The following PCDHB1 variants were observed in gnomAD, a reference collection of about 807,000 sequenced individuals.
PCDHB1 encodes the protein protocadherin beta-1.
Under a neutral mutation model 43.5 loss-of-function variants are expected in PCDHB1, and 44 were observed. The ratio of observed to expected loss-of-function variants is 1.01; its 90% CI spans 0.79 to 1.30. The LOEUF (loss-of-function observed/expected upper bound fraction) is 1.30, where lower values mean the gene tolerates loss of function less well. Among genes scored for constraint, PCDHB1 ranks in the 50% most tolerant of loss-of-function variants. PCDHB1 has a pLI of 0.00. For synonymous variants in PCDHB1, 392 were observed against 400.8 expected (o/e 0.98, Z 0.26); for missense variants, 919 against 1,008.9 (o/e 0.91, Z 1.21).
At position 141,056,289 on chromosome 5, in the gene PCDHB1, TGGCCA is replaced by T. The variant is rs1751132418; in HGVS notation, c.*2365_*2369del. ...TGGCACCACCTGGCTGTTTACCTGT[TGGCCA>T]GGAATACACTAAAATTTAGTGCTGT... On this transcript the variant is annotated 3_prime_UTR_variant, in exon 1 of 1. Coordinates refer to ENST00000306549, the MANE Select transcript of PCDHB1 (RefSeq NM_013340.4). 6.6e-6 allele frequency: 1 copy of T among 152,220 alleles called. No homozygotes were observed. Among genetic ancestry groups the T allele is most frequent in the Non-Finnish European group, 1.5e-5 (1 of 68,036 alleles). The allele number at this position is 152,220 out of a possible 1,614,324, so 9.4% of individuals were successfully genotyped here. A position where few individuals can be genotyped will look rare whatever the true frequency, so the allele number is the denominator to read the frequency against.
At position 141,058,889 on chromosome 5, in the gene PCDHB1, A is replaced by C. The variant is rs1016337711; in HGVS notation, c.*4962A>C. 6 of 152,110 alleles carry C rather than the reference A, an allele frequency of 3.9e-5. No individual in the cohort carries two copies. Among genetic ancestry groups the C allele is most frequent in the Non-Finnish European group, 7.4e-5 (5 of 67,994 alleles). 9.4% of individuals were successfully genotyped at this position (152,110 alleles called of 1,614,324 possible). On this transcript the variant is annotated 3_prime_UTR_variant, in exon 1 of 1. Coordinates refer to ENST00000306549, the MANE Select transcript of PCDHB1 (RefSeq NM_013340.4). ...TATTTCTTTACATAAGGATACCTGG[A>C]TATCTCCTCTATTATTTGGGTTACA...
Position 141,052,188 on chromosome 5 carries a change from C to A in PCDHB1, c.718C>A (p.Pro240Thr). ...VVVLDVNDHV[P>T]QFSRLVYRAQ... ...GGTTCTGGATGTCAACGACCACGTG[C>A]CCCAGTTCTCGCGACTGGTGTACAG... Residue 240 changes from proline (P) to threonine (T), a missense_variant, in exon 1 of 1, where the codon CCC becomes ACC. Physicochemically the swap from Pro to Thr is conservative, Grantham distance 38. Coordinates refer to ENST00000306549, the MANE Select transcript of PCDHB1 (RefSeq NM_013340.4). 7 of 1,614,062 alleles carry A rather than the reference C, an allele frequency of 4.3e-6. No homozygotes were observed. Among genetic ancestry groups the A allele is most frequent in the Non-Finnish European group, 5.9e-6 (7 of 1,179,988 alleles).
rs1372628933 is a variant in PCDHB1, at chr5:141,051,809, G to A, written c.339G>A (p.Pro113=). The A allele has an allele frequency of 6.2e-7, 1 of 1,614,112 alleles. No individual in the cohort carries two copies. Among genetic ancestry groups the A allele is most frequent in the African/African-American group, 1.3e-5 (1 of 74,932 alleles). The change falls in exon 1 of 1, where the codon CCG becomes CCA. Residue 113 remains proline, a synonymous_variant. Coordinates refer to ENST00000306549, the MANE Select transcript of PCDHB1 (RefSeq NM_013340.4). ...VLHFEVVLVE[P]LQSFRAEVRV... is the part of the protein sequence containing the mutation. ...ACTTTGAAGTAGTCCTGGTGGAGCCGCTGCAGTCCTTCCGGGCCGAGGTCA... is the reference window on the plus strand; with the variant it reads ...ACTTTGAAGTAGTCCTGGTGGAGCCACTGCAGTCCTTCCGGGCCGAGGTCA...
rs782667672 is a variant in PCDHB1 at position 141,051,776 on chromosome 5, T to C, written c.306T>C (p.Cys102=). The change falls in exon 1 of 1, where the codon TGT becomes TGC. Residue 102 remains cysteine, a synonymous_variant. Coordinates refer to ENST00000306549, the MANE Select transcript of PCDHB1 (RefSeq NM_013340.4). The stretch of plus-strand genomic sequence containing the variant: ...CACTTTGTGGCAAAGCCGACCCTTG[T>C]GTTCTGCACTTTGAAGTAGTCCTGG... The part of the protein sequence containing the change: ...RESLCGKADP[C]VLHFEVVLVE... 1 of 1,614,256 alleles carries C rather than the reference T, an allele frequency of 6.2e-7. No homozygotes were observed. The highest frequency in any genetic ancestry group is 8.5e-7 in the Non-Finnish European group (1 of 1,180,036).
In PCDHB1 at chr5:141,052,706, G is replaced by C. The variant is rs1554267287; in HGVS notation, c.1236G>C (p.Arg412=). ...YSLVTDRSLD[R]EEVSGYNITI... ...TGGTCACTGACAGAAGCTTGGATCG[G>C]GAGGAGGTCTCAGGCTATAATATCA... Residue 412 remains arginine, a synonymous_variant, in exon 1 of 1, where the codon CGG becomes CGC. Coordinates refer to ENST00000306549, the MANE Select transcript of PCDHB1 (RefSeq NM_013340.4). 1 of 1,614,178 alleles carries C rather than the reference G, an allele frequency of 6.2e-7. No homozygotes were observed. Among genetic ancestry groups the C allele is most frequent in the Non-Finnish European group, 8.5e-7 (1 of 1,180,034 alleles).
chr5:141,051,954 G>C lies in PCDHB1; in HGVS notation c.484G>C (p.Val162Leu). 1.9e-6 allele frequency: 3 copies of C among 1,614,148 alleles called. No individual in the cohort carries two copies. The highest frequency in any genetic ancestry group is 2.2e-5 in the South Asian group (2 of 91,084). The stretch of plus-strand genomic sequence containing the variant: ...TCTGCAGAGCGCCCAGGATCTGGAC[G>C]TGGGCCTTAACGGTCTCCAGAACTA... ...FPLQSAQDLDVGLNGLQNYTL... is the reference protein window; with the variant it reads ...FPLQSAQDLDLGLNGLQNYTL... The change falls in exon 1 of 1, where the codon GTG becomes CTG. Residue 162 changes from valine to leucine, a missense_variant. Transcript: ENST00000306549.
chr5:141,052,086 C>G lies in PCDHB1; in HGVS notation c.616C>G (p.Pro206Ala). 1 of 1,614,106 alleles carries G rather than the reference C, an allele frequency of 6.2e-7. No individual in the cohort carries two copies. Among genetic ancestry groups the G allele is most frequent in the South Asian group, 1.1e-5 (1 of 91,084 alleles). Residue 206 changes from proline to alanine, a missense_variant, in exon 1 of 1, where the codon CCT (proline) becomes GCT (alanine). Transcript: ENST00000306549. ...LNKPLDREEQ[P>A]EVNLTITAVD... ...CAAACCCCTGGACCGAGAGGAGCAGCCTGAAGTCAACTTGACAATTACGGC... is the reference window on the plus strand; with the variant it reads ...CAAACCCCTGGACCGAGAGGAGCAGGCTGAAGTCAACTTGACAATTACGGC...
Position 141,053,507 on chromosome 5 carries a change from GC to G in PCDHB1, c.2038del (p.His680IlefsTer5). 1 of 1,614,090 alleles carries G rather than the reference GC, an allele frequency of 6.2e-7. No homozygotes were observed. The highest frequency in any genetic ancestry group is 8.5e-7 in the Non-Finnish European group (1 of 1,180,024). On this transcript the variant is annotated frameshift_variant, in exon 1 of 1. Coordinates refer to ENST00000306549, the MANE Select transcript of PCDHB1 (RefSeq NM_013340.4). LOFTEE classifies it high-confidence loss of function. ...PYLQFQDPTK[H>X]SRKVNPSTKY... ...ACCTGCAGTTCCAGGATCCAACCAA[GC>G]ATTCTAGAAAGGTAAATCCATCCAC... is the stretch of plus-strand genomic sequence containing the variant.
rs1554267105 is a variant in PCDHB1, at chr5:141,051,858, G to A, written c.388G>A (p.Ala130Thr). Residue 130 changes from alanine (A) to threonine (T), a missense_variant, in exon 1 of 1, where the codon GCC (alanine) becomes ACC (threonine). Coordinates refer to ENST00000306549, the MANE Select transcript of PCDHB1 (RefSeq NM_013340.4). ...CAGGGTATTTGATATCAATGACAAT[G>A]CCCCAGTTTTCCTAAACAAGGAGCC... ...EVRVFDINDN[A>T]PVFLNKEPLL... 1 of 1,614,060 alleles carries A rather than the reference G, an allele frequency of 6.2e-7. No homozygotes were observed. Among genetic ancestry groups the A allele is most frequent in the Non-Finnish European group, 8.5e-7 (1 of 1,180,038 alleles).
Position 141,052,549 on chromosome 5 carries a change from C to T in PCDHB1, c.1079C>T (p.Ser360Leu), listed in dbSNP as rs1554267268. 6.2e-7 allele frequency: 1 copy of T among 1,614,178 alleles called. No homozygotes were observed. Among genetic ancestry groups the T allele is most frequent in the East Asian group, 2.2e-5 (1 of 44,878 alleles). ...GTGTCCAGCCCACTCCCTGAAGACT[C>T]ACCACCACAGACAGTAGTAGCCCTT... ...SSVSSPLPED[S>L]PPQTVVALFT... The change falls in exon 1 of 1, where the codon TCA (serine) becomes TTA (leucine). Residue 360 changes from serine to leucine, a missense_variant. Ser to Leu is a moderately radical substitution (Grantham distance 145, BLOSUM62 -2). Transcript: ENST00000306549.
In PCDHB1 at chr5:141,052,841, T is replaced by C; in HGVS notation, c.1371T>C (p.Tyr457=). 6.2e-7 allele frequency: 1 copy of C among 1,614,218 alleles called. No individual in the cohort carries two copies. Among genetic ancestry groups the C allele is most frequent in the Non-Finnish European group, 8.5e-7 (1 of 1,180,040 alleles). ...DNPPIFREDS[Y]ILTVRENNSP... ...CTCCAATATTTCGGGAAGATTCCTATATCTTGACTGTTCGAGAAAACAACA... is the reference window on the plus strand; with the variant it reads ...CTCCAATATTTCGGGAAGATTCCTACATCTTGACTGTTCGAGAAAACAACA... Residue 457 remains tyrosine (Y), a synonymous_variant, in exon 1 of 1, where the codon TAT becomes TAC. Transcript: ENST00000306549.
rs1751058248 is a variant in PCDHB1, at chr5:141,053,723, G to A, written c.2253G>A (p.Arg751=). ...VQGQGNGSLS[R]PCPYEMCSAT... ...GACAAGGCAATGGATCCTTATCTCG[G>A]CCTTGTCCATATGAAATGTGTTCAG... The change falls in exon 1 of 1, where the codon CGG becomes CGA. Residue 751 remains arginine, a synonymous_variant. Coordinates refer to ENST00000306549, the MANE Select transcript of PCDHB1 (RefSeq NM_013340.4). 2.5e-6 allele frequency: 4 copies of A among 1,613,978 alleles called. No homozygotes were observed. In the African/African-American group the frequency reaches 4.0e-5, roughly 16 times the overall value.
Position 141,052,203 on chromosome 5 carries a change from C to T in PCDHB1, c.733C>T (p.Leu245=). The T allele has an allele frequency of 6.2e-7, 1 of 1,614,170 alleles. No homozygotes were observed. The highest frequency in any genetic ancestry group is 8.5e-7 in the Non-Finnish European group (1 of 1,180,028). The change falls in exon 1 of 1, where the codon CTG becomes TTG. Residue 245 remains leucine, a synonymous_variant. Coordinates refer to ENST00000306549, the MANE Select transcript of PCDHB1 (RefSeq NM_013340.4). ...CGACCACGTGCCCCAGTTCTCGCGA[C>T]TGGTGTACAGAGCCCAGGTATCAGA... is the stretch of plus-strand genomic sequence containing the variant. The part of the protein sequence containing the change: ...VNDHVPQFSR[L]VYRAQVSENS...
chr5:141,053,823 G>T lies in PCDHB1; in HGVS notation c.2353G>T (p.Gly785Trp). The T allele has an allele frequency of 6.2e-7, 1 of 1,614,052 alleles. No homozygotes were observed. The highest frequency in any genetic ancestry group is 8.5e-7 in the Non-Finnish European group (1 of 1,179,950). ...CAACTTCCCTTTCCCTCATGCCACT[G>T]GGGAGATAAAAATGGAGGCTGGCTC... ...MPNFPFPHAT[G>W]EIKMEAGSSL... The change falls in exon 1 of 1, where the codon GGG (glycine) becomes TGG (tryptophan). Residue 785 changes from glycine (G) to tryptophan (W), a missense_variant. Coordinates refer to ENST00000306549, the MANE Select transcript of PCDHB1 (RefSeq NM_013340.4).
chr5:141,053,549 T>G lies in PCDHB1; in HGVS notation c.2079T>G (p.Ile693Met), dbSNP rs1307790997. ...ATCCATCCACTAAATATTTGGTCAT[T>G]TCTCTGGTCATCCTTTCCTTTCTCT... is the stretch of plus-strand genomic sequence containing the variant. ...KVNPSTKYLV[I>M]SLVILSFLFL... is the part of the protein sequence containing the mutation. Residue 693 changes from isoleucine (I) to methionine (M), a missense_variant, in exon 1 of 1, where the codon ATT becomes ATG. Transcript: ENST00000306549. 1 of 1,614,030 alleles carries G rather than the reference T, an allele frequency of 6.2e-7. No individual in the cohort carries two copies. Among genetic ancestry groups the G allele is most frequent in the African/African-American group, 1.3e-5 (1 of 74,926 alleles).
chr5:141,053,458 T>C lies in PCDHB1; in HGVS notation c.1988T>C (p.Leu663Pro). Residue 663 changes from leucine (L) to proline (P), a missense_variant, in exon 1 of 1, where the codon CTG becomes CCG. Transcript: ENST00000306549. ...LSTTVSLNIL[L>P]VDGFSEPYLQ... Reference sequence around the variant, plus strand: ...ACTACTGTCTCACTCAACATCCTGCTGGTAGATGGCTTTTCAGAGCCCTAC... The same window carrying C: ...ACTACTGTCTCACTCAACATCCTGCCGGTAGATGGCTTTTCAGAGCCCTAC... The C allele has an allele frequency of 3.1e-6, 5 of 1,614,176 alleles. No individual in the cohort carries two copies. Among genetic ancestry groups the C allele is most frequent in the Non-Finnish European group, 4.2e-6 (5 of 1,180,000 alleles).
chr5:141,056,911 C>G lies in PCDHB1; in HGVS notation c.*2984C>G, dbSNP rs557005084. On this transcript the variant is annotated 3_prime_UTR_variant, in exon 1 of 1. Transcript: ENST00000306549. ...GCTAGGATTACAGCACCATGCCCAG[C>G]CTAGAATTAATTTTTATGGGTAAGC... is the stretch of plus-strand genomic sequence containing the variant. The G allele has an allele frequency of 6.6e-6, 1 of 152,264 alleles. No homozygotes were observed. Among genetic ancestry groups the G allele is most frequent in the African/African-American group, 2.4e-5 (1 of 41,544 alleles). The allele number at this position is 152,264 out of a possible 1,614,324, so 9.4% of individuals were successfully genotyped here.
rs1751048962 is a variant in PCDHB1, at chr5:141,053,457, C to T, written c.1987C>T (p.Leu663=). 1 of 1,614,080 alleles carries T rather than the reference C, an allele frequency of 6.2e-7. No individual in the cohort carries two copies. Among genetic ancestry groups the T allele is most frequent in the African/African-American group, 1.3e-5 (1 of 74,938 alleles). Residue 663 remains leucine (L), a synonymous_variant, in exon 1 of 1, where the codon CTG becomes TTG. Coordinates refer to ENST00000306549, the MANE Select transcript of PCDHB1 (RefSeq NM_013340.4). ...CACTACTGTCTCACTCAACATCCTG[C>T]TGGTAGATGGCTTTTCAGAGCCCTA... ...LSTTVSLNIL[L]VDGFSEPYLQ...
rs782573812 is a variant in PCDHB1, at chr5:141,052,798, C to A, written c.1328C>A (p.Ser443Tyr). The change falls in exon 1 of 1, where the codon TCC becomes TAC. Residue 443 changes from serine to tyrosine, a missense_variant. Coordinates refer to ENST00000306549, the MANE Select transcript of PCDHB1 (RefSeq NM_013340.4). ...SAETMIEVLI[S>Y]DVNDNPPIFR... is the part of the protein sequence containing the mutation. ...GAGACTATGATAGAGGTGCTAATAT[C>A]CGACGTTAATGACAATCCTCCAATA... The A allele has an allele frequency of 1.2e-6, 2 of 1,614,150 alleles. No individual in the cohort carries two copies. The highest frequency in any genetic ancestry group is 1.7e-6 in the Non-Finnish European group (2 of 1,180,042).
Sources: allele counts gnomAD v4.1 joint callset, GRCh38; gene constraint gnomAD v4.1.1; transcripts MANE v1.5; gene names NCBI Gene and HGNC (gene_info 2026-07-23, HGNC 2026-07-21).